The following CNTN6 variants were observed in gnomAD, a reference collection of about 807,000 sequenced individuals.
CNTN6 encodes the protein contactin 6.
A neutral mutation model predicts 122.8 loss-of-function variants in CNTN6; 137 were observed. The observed-to-expected ratio is 1.12, with a 90% CI of 0.97 to 1.29. The LOEUF (loss-of-function observed/expected upper bound fraction) is 1.29, where lower values mean the gene tolerates loss of function less well. Ranked by LOEUF, CNTN6 falls within the 50% of genes most tolerant of loss-of-function variation. The probability of loss-of-function intolerance (pLI) is 0.00; values close to 1 mark genes in which losing one functional copy is unlikely to be tolerated. For synonymous variants in CNTN6, 570 were observed against 426.0 expected (o/e 1.34, Z -4.16); for missense variants, 1,634 against 1,223.4 (o/e 1.34, Z -5.01).
intron 1 of CNTN6, among the ~76,000 whole-genome samples, chr3:1,119,034 T>C (rs1270295047): frequency 6.6e-6 from 1 of 152,130 alleles, no homozygotes. Flanking sequence ...CTCCCATCTT[T>C]CTAACTACTT....
chr3:1,189,814 G>A (rs1238876145), intron 2 of CNTN6, among the ~76,000 whole-genome samples: 3 of 152,270 alleles, frequency 2.0e-5, no homozygotes, highest in African/African-American at 7.2e-5. Context: ...CTACTATAAA[G>A]TGACTCTCCT....
intron 4 of CNTN6, among the ~76,000 whole-genome samples, chr3:1,268,505 G>T (rs546639577): frequency 6.7e-6 from 1 of 150,194 alleles, no homozygotes; most frequent in African/African-American, 2.5e-5. Flanking sequence ...TACTTGGGAG[G>T]CTGAGGCAGG....
chr3:1,321,794 T>A lies in CNTN6; in HGVS notation c.906T>A (p.Leu302=). 6.2e-7 allele frequency: 1 copy of A among 1,610,344 alleles called. No individual in the cohort carries two copies. The highest frequency in any genetic ancestry group is 8.5e-7 in the Non-Finnish European group (1 of 1,178,006). The part of the protein sequence containing the change: ...EGFYECIASN[L]RGRNLAKGQL... ...TTTATGAGTGCATTGCAAGCAACCT[T>A]CGAGGAAGAAACCTTGCAAAGGGTC... Residue 302 remains leucine, a synonymous_variant, in exon 8 of 23, where the codon CTT becomes CTA. Coordinates refer to ENST00000446702, the MANE Select transcript of CNTN6 (RefSeq NM_001289080.2).
intron 2 of CNTN6, among the ~76,000 whole-genome samples, chr3:1,190,353 C>T (rs967316612): frequency 2.0e-5 from 3 of 152,148 alleles, no homozygotes; most frequent in Non-Finnish European, 4.4e-5. Flanking sequence ...AGCACATAAC[C>T]ATTCGGTCTA....
At chr3:1,291,831 G>C (rs1695379576) in intron 5 of CNTN6, among the ~76,000 whole-genome samples, 1 of 152,124 alleles carries the variant, frequency 6.6e-6, no homozygotes, top group Non-Finnish European at 1.5e-5. Flanking sequence ...GACTCCAATA[G>C]AGACTTGCAA....
At position 1,261,977 on chromosome 3, in the gene CNTN6, A is replaced by G. The variant is rs537686010; in HGVS notation, c.359-16436A>G. 4.2e-4 allele frequency among the ~76,000 whole-genome samples: 64 copies of G among 152,236 alleles called. No individual in the cohort carries two copies. In the Middle Eastern group the frequency reaches 0.017, roughly 40 times the overall value. ...TTAGTTGTTCTTGGTAAATTACTGG[A>G]TATGCGACTGGACTGCACTTATGCT... On this transcript the variant is annotated intron_variant, in intron 4 of 22. Transcript: ENST00000446702.
chr3:1,395,606 A>G (rs772772396), intron 20 of CNTN6, among the ~76,000 whole-genome samples: 3 of 152,090 alleles, frequency 2.0e-5, no homozygotes, highest in Admixed American at 6.5e-5. Flanking sequence ...CCTCCTGATG[A>G]CATTGGAGCC....
intron 4 of CNTN6, among the ~76,000 whole-genome samples, chr3:1,237,260 C>G (rs1488113139): frequency 6.6e-6 from 1 of 151,678 alleles, no homozygotes; most frequent in East Asian, 1.9e-4. Flanking sequence ...AAAGTCTAAG[C>G]AATAGAATCA....
chr3:1,314,906 G>T (rs954523151), intron 7 of CNTN6, among the ~76,000 whole-genome samples: 1 of 151,970 alleles, frequency 6.6e-6, no homozygotes, highest in Non-Finnish European at 1.5e-5. Flanking sequence ...GAAATACAAG[G>T]TTCAAGAATC....
At chr3:1,245,242 ACAC>A (rs2094552921) in intron 4 of CNTN6, among the ~76,000 whole-genome samples, 1 of 13,974 alleles carries the variant, frequency 7.2e-5, no homozygotes. Flanking sequence ...ATATACACAC[ACAC>A]ATATATATAT....
intron 7 of CNTN6, among the ~76,000 whole-genome samples, chr3:1,308,172 A>T (rs1173325865): frequency 6.6e-6 from 1 of 151,940 alleles, no homozygotes; most frequent in East Asian, 1.9e-4. Flanking sequence ...TTGGGTTGTA[A>T]TTCTGTGCTA....
intron 2 of CNTN6, among the ~76,000 whole-genome samples, chr3:1,171,485 A>C (rs961689617): frequency 1.3e-5 from 2 of 152,206 alleles, no homozygotes; most frequent in African/African-American, 2.4e-5. Context: ...GTAGATGTTT[A>C]GCAGCATTCC....
intron 2 of CNTN6, among the ~76,000 whole-genome samples, chr3:1,168,972 G>T (rs1200413204): frequency 6.6e-6 from 1 of 152,110 alleles, no homozygotes; most frequent in East Asian, 1.9e-4. Flanking sequence ...AGTGGGAAGG[G>T]TGTTTAAAAA....
intron 4 of CNTN6, among the ~76,000 whole-genome samples, chr3:1,233,506 C>T (rs557336985): frequency 5.3e-5 from 8 of 152,026 alleles, no homozygotes; most frequent in South Asian, 4.1e-4. Flanking sequence ...GAGGCCGAGG[C>T]GGGCGGATCA....
intron 11 of CNTN6, among the ~76,000 whole-genome samples, chr3:1,345,489 C>G (rs1319069629): frequency 1.3e-5 from 2 of 152,068 alleles, no homozygotes; most frequent in Admixed American, 6.6e-5. Flanking sequence ...TTTAAATGAG[C>G]AAACTTTGTA....
At chr3:1,396,869 T>C (rs1489521064) in intron 20 of CNTN6, among the ~76,000 whole-genome samples, 1 of 152,214 alleles carries the variant, frequency 6.6e-6, no homozygotes, top group Admixed American at 6.5e-5. Flanking sequence ...GTCCTTGAGA[T>C]GACATCAAGA....
At chr3:1,376,476 C>T (rs1340535117) in intron 16 of CNTN6, among the ~76,000 whole-genome samples, 1 of 152,094 alleles carries the variant, frequency 6.6e-6, no homozygotes, top group Admixed American at 6.6e-5. Context: ...GAAAATCCCT[C>T]TTCTTCTCTC....
chr3:1,247,848 T>C (rs2094604111), intron 4 of CNTN6, among the ~76,000 whole-genome samples: 1 of 151,752 alleles, frequency 6.6e-6, no homozygotes, highest in African/African-American at 2.4e-5. Flanking sequence ...TACATAACAT[T>C]TGTTAAAAAA....
chr3:1,402,524 C>G, intron 22 of CNTN6, 38 bp downstream of exon 22: 3 of 1,531,494 alleles, frequency 2.0e-6, no homozygotes, highest in Non-Finnish European at 8.9e-7. Flanking sequence ...GATTCTGAAC[C>G]TAGACAGCTG....
Sources: allele counts gnomAD v4.1 joint callset (sites outside exome capture counted in the v4.1 genomes callset), GRCh38; gene constraint gnomAD v4.1.1; transcripts MANE v1.5; gene names NCBI Gene and HGNC (gene_info 2026-07-23, HGNC 2026-07-21).